The following ELP3 variants were observed in gnomAD, a reference collection of about 807,000 sequenced individuals.
The protein encoded by ELP3 is elongator acetyltransferase complex subunit 3.
ELP3 carries 56 observed loss-of-function variants against 74.9 expected under a neutral mutation model. The ratio of observed to expected loss-of-function variants is 0.75; its 90% confidence interval spans 0.60 to 0.93. The LOEUF is 0.93. ELP3 is among the 40% of genes least tolerant of loss of function. ELP3 has a pLI of 0.00. For synonymous variants in ELP3, 222 were observed against 239.8 expected (o/e 0.93, Z 0.68); for missense variants, 573 against 686.5 (o/e 0.83, Z 1.85).
intron 14 of ELP3, among the ~76,000 whole-genome samples, chr8:28,180,240 T>A (rs558976786): frequency 1.3e-5 from 2 of 152,244 alleles, no homozygotes; most frequent in Admixed American, 1.3e-4. Flanking sequence ...CTCCCTCACC[T>A]CTCTTCCTGT....
chr8:28,160,057 G>C (rs1052512798), intron 12 of ELP3, among the ~76,000 whole-genome samples, 172 bp from the exon 13 acceptor site: 12 of 152,162 alleles, frequency 7.9e-5, no homozygotes, highest in African/African-American at 2.9e-4. Flanking sequence ...AACAAGGTGT[G>C]AACTTTAATC....
chr8:28,185,496 A>G (rs1815200916), intron 14 of ELP3, among the ~76,000 whole-genome samples: 1 of 152,252 alleles, frequency 6.6e-6, no homozygotes, highest in South Asian at 2.1e-4. Context: ...AAGAGCTGAC[A>G]TCCTAGGGAG....
At chr8:28,175,921 T>C (rs938101802) in intron 14 of ELP3, among the ~76,000 whole-genome samples, 1 of 151,506 alleles carries the variant, frequency 6.6e-6, no homozygotes, top group African/African-American at 2.4e-5. Context: ...TTCAAGCTAT[T>C]CTCCTGCCTC....
At chr8:28,174,613 G>A (rs1289782132) in intron 14 of ELP3, among the ~76,000 whole-genome samples, 1 of 152,010 alleles carries the variant, frequency 6.6e-6, no homozygotes, top group Non-Finnish European at 1.5e-5. Context: ...CATTAACCTA[G>A]ACTTAAAATT....
rs758274906 is a variant in ELP3, at chr8:28,093,242, G to A, written c.19+9G>A. ...GAGGCAGAAGCGGAAAGGTGCGAAAGGGGAAGGAGATGGGGGAAAGGGGTG... is the reference window on the plus strand; with the variant it reads ...GAGGCAGAAGCGGAAAGGTGCGAAAAGGGAAGGAGATGGGGGAAAGGGGTG... On this transcript the variant is annotated intron_variant, in intron 1 of 14. Coordinates refer to ENST00000256398, the MANE Select transcript of ELP3 (RefSeq NM_018091.6). 4.3e-6 allele frequency: 7 copies of A among 1,613,100 alleles called. No homozygotes were observed. Among genetic ancestry groups the A allele is most frequent in the South Asian group, 3.3e-5 (3 of 90,660 alleles).
intron 1 of ELP3, among the ~76,000 whole-genome samples, chr8:28,095,897 C>G (rs919626229): frequency 6.6e-6 from 1 of 152,214 alleles, no homozygotes; most frequent in Non-Finnish European, 1.5e-5. Flanking sequence ...CCTCAGCCCC[C>G]TGGGCCACGG....
At chr8:28,107,525 G>A (rs1811746420) in intron 4 of ELP3, among the ~76,000 whole-genome samples, 1 of 152,194 alleles carries the variant, frequency 6.6e-6, no homozygotes, top group Non-Finnish European at 1.5e-5. Context: ...GAAAGAATTA[G>A]CGGAAGAGTT....
intron 14 of ELP3, among the ~76,000 whole-genome samples, chr8:28,184,518 G>A (rs188818810): frequency 3.9e-5 from 6 of 152,268 alleles, no homozygotes; most frequent in Non-Finnish European, 8.8e-5. Context: ...ATGCTTAGAT[G>A]TACCCCAGTA....
chr8:28,124,147 A>AT (rs1279598233), intron 7 of ELP3, among the ~76,000 whole-genome samples: 1 of 152,006 alleles, frequency 6.6e-6, no homozygotes, highest in East Asian at 1.9e-4. Context: ...TTTATAATGT[A>AT]TTTTTTCTAT....
intron 6 of ELP3, among the ~76,000 whole-genome samples, chr8:28,112,253 C>G (rs1396375617): frequency 6.6e-6 from 1 of 152,068 alleles, no homozygotes; most frequent in African/African-American, 2.4e-5. Context: ...AAGCGATTCT[C>G]TTGCCTCAGC....
chr8:28,139,552 C>G (rs1813139353), intron 10 of ELP3, among the ~76,000 whole-genome samples: 1 of 152,156 alleles, frequency 6.6e-6, no homozygotes, highest in African/African-American at 2.4e-5. Flanking sequence ...GTTATTGCAT[C>G]TGTACTGAAC....
chr8:28,106,727 T>C lies in ELP3; in HGVS notation c.273T>C (p.Ala91=). ...TTCTTTTATAGATTGCTGTCGTGGC[T>C]GTGATGTGCAAACCCCACAGATGTC... is the stretch of plus-strand genomic sequence containing the variant. ...IRTASGIAVV[A]VMCKPHRCPH... The change falls in exon 4 of 15, where the codon GCT becomes GCC. Residue 91 remains alanine, a synonymous_variant. Transcript: ENST00000256398. 1 of 1,612,952 alleles carries C rather than the reference T, an allele frequency of 6.2e-7. No homozygotes were observed. Among genetic ancestry groups the C allele is most frequent in the Non-Finnish European group, 8.5e-7 (1 of 1,179,652 alleles).
intron 14 of ELP3, among the ~76,000 whole-genome samples, chr8:28,166,727 C>A (rs934366006): frequency 2.6e-5 from 4 of 152,230 alleles, no homozygotes; most frequent in Admixed American, 1.3e-4. Flanking sequence ...TCTGATGTCA[C>A]ACTGCCTGTA....
chr8:28,116,026 C>T (rs1444471960), intron 7 of ELP3, among the ~76,000 whole-genome samples: 1 of 152,156 alleles, frequency 6.6e-6, no homozygotes, highest in Admixed American at 6.5e-5. Flanking sequence ...GTAAGTAAAG[C>T]AGTTCTTGGC....
intron 14 of ELP3, among the ~76,000 whole-genome samples, chr8:28,172,652 C>G (rs1814575942): frequency 6.6e-6 from 1 of 151,976 alleles, no homozygotes; most frequent in South Asian, 2.1e-4. Flanking sequence ...TTATTCTTGC[C>G]TAATTCCTCT....
chr8:28,102,879 C>T (rs538341363), intron 3 of ELP3, among the ~76,000 whole-genome samples: 1 of 152,234 alleles, frequency 6.6e-6, no homozygotes, highest in East Asian at 1.9e-4. Context: ...CCTAAAATCT[C>T]CTATTTGTGG....
chr8:28,158,879 T>TTTTCCA (rs1198048124), intron 12 of ELP3, among the ~76,000 whole-genome samples: 23 of 152,342 alleles, frequency 1.5e-4, no homozygotes, highest in African/African-American at 5.0e-4. Flanking sequence ...CTTTCTGCAG[T>TTTTCCA]GTTGGAAATG....
chr8:28,142,960 CT>C (rs1813301284), intron 10 of ELP3, among the ~76,000 whole-genome samples: 1 of 151,974 alleles, frequency 6.6e-6, no homozygotes, highest in Admixed American at 6.6e-5. Context: ...CATTATGTTA[CT>C]TTATGTTTTG....
At chr8:28,185,156 A>G (rs1815187771) in intron 14 of ELP3, among the ~76,000 whole-genome samples, 1 of 152,216 alleles carries the variant, frequency 6.6e-6, no homozygotes, top group Non-Finnish European at 1.5e-5. Flanking sequence ...ATAAAAAGCC[A>G]GAAGTATTTC....
Sources: gnomAD v4.1 joint callset for allele counts (sites outside exome capture counted in the v4.1 genomes callset) on GRCh38, gnomAD v4.1.1 for gene constraint, MANE v1.5 for transcripts, NCBI Gene and HGNC (gene_info 2026-07-23, HGNC 2026-07-21) for gene names.